The following NUGGC variants were observed in gnomAD, a reference collection of about 807,000 sequenced individuals.
NUGGC encodes nuclear GTPase, germinal center associated, also known as nuclear GTPase SLIP-GC.
In NUGGC, 58 loss-of-function variants were observed where a neutral mutation model predicts 92.6. The observed-to-expected ratio is 0.63, with a 90% CI of 0.51 to 0.78. The LOEUF is 0.78. Among genes scored for constraint, NUGGC ranks in the 30% least tolerant of loss-of-function variants. NUGGC has a pLI of 0.00. For missense variants in NUGGC, 925 were observed against 964.6 expected, an observed-to-expected ratio of 0.96 and a Z score of 0.54; for synonymous variants, 376 against 366.4, an observed-to-expected ratio of 1.03 and a Z score of -0.30.
chr8:28,039,329 T>G (rs1809634919), intron 13 of NUGGC, among the ~76,000 whole-genome samples: 1 of 151,676 alleles, frequency 6.6e-6, no homozygotes, highest in Non-Finnish European at 1.5e-5. Context: ...GCCTCTCAGG[T>G]TCAAGTGATT....
intron 1 of NUGGC, among the ~76,000 whole-genome samples, chr8:28,080,846 C>T (rs1254248502): frequency 6.6e-6 from 1 of 152,162 alleles, no homozygotes; most frequent in Non-Finnish European, 1.5e-5. Context: ...AAACAAAGGG[C>T]TTCCATATTC....
intron 1 of NUGGC, among the ~76,000 whole-genome samples, chr8:28,076,324 A>T (rs551692206): frequency 6.6e-6 from 1 of 152,224 alleles, no homozygotes; most frequent in Non-Finnish European, 1.5e-5. Context: ...CTTGTGACAG[A>T]GTCTTGCTCT....
At chr8:28,060,178 C>A in intron 8 of NUGGC, 1 of 627,890 alleles carries the variant, frequency 1.6e-6, no homozygotes, top group Admixed American at 2.1e-5. Flanking sequence ...GAGTGGCACC[C>A]CCAGAGCTGT....
At chr8:28,082,521 G>C (rs1417743802) in intron 1 of NUGGC, among the ~76,000 whole-genome samples, 1 of 152,176 alleles carries the variant, frequency 6.6e-6, no homozygotes, top group Non-Finnish European at 1.5e-5. Context: ...TTAATGACTT[G>C]CCTAAGATCA....
intron 13 of NUGGC, among the ~76,000 whole-genome samples, chr8:28,037,460 G>A (rs1162940922): frequency 6.6e-6 from 1 of 152,134 alleles, no homozygotes; most frequent in Non-Finnish European, 1.5e-5. Context: ...TCCAGGGCCA[G>A]GCTCCAACAA....
intron 8 of NUGGC, among the ~76,000 whole-genome samples, chr8:28,059,291 G>A (rs375214170): frequency 3.3e-5 from 5 of 152,034 alleles, no homozygotes; most frequent in African/African-American, 9.7e-5. Flanking sequence ...GTTTATACCC[G>A]CTGATCCCCT....
chr8:28,023,092 C>A lies in NUGGC; in HGVS notation c.*225G>T, dbSNP rs993049700. ...CTCAAAAAAAAAAAAAAAAAAATTA[C>A]CCAGGTGTGGTGGCCTGTACCTGTA... On this transcript the variant is annotated 3_prime_UTR_variant, in exon 19 of 19. Coordinates refer to ENST00000413272, the MANE Select transcript of NUGGC (RefSeq NM_001010906.2). 3.1e-5 allele frequency: 12 copies of A among 383,590 alleles called. No homozygotes were observed. The highest frequency in any genetic ancestry group is 4.6e-5 in the Non-Finnish European group (10 of 218,548). The allele number at this position is 383,590 out of a possible 1,614,324, so 23.8% of individuals were successfully genotyped here.
At chr8:28,062,913 A>G (rs1198514955) in intron 7 of NUGGC, among the ~76,000 whole-genome samples, 1 of 152,230 alleles carries the variant, frequency 6.6e-6, no homozygotes, top group East Asian at 1.9e-4. Flanking sequence ...GATACAAAAA[A>G]GCATTTCGAT....
chr8:28,083,135 C>T (rs975832684), intron 1 of NUGGC, among the ~76,000 whole-genome samples: 1 of 152,174 alleles, frequency 6.6e-6, no homozygotes, highest in African/African-American at 2.4e-5. Flanking sequence ...CCAAAGAGAA[C>T]ACGGCGGAGA....
intron 1 of NUGGC, among the ~76,000 whole-genome samples, chr8:28,075,188 G>A (rs1031403062): frequency 6.6e-5 from 10 of 152,098 alleles, no homozygotes; most frequent in Non-Finnish European, 1.2e-4. Flanking sequence ...GAGTTGCTTT[G>A]GGGGGCTGCT....
rs76225131 is a variant in NUGGC, at chr8:28,040,342, G to A, written c.1611+709C>T. 1.4e-4 allele frequency among the ~76,000 whole-genome samples: 21 copies of A among 152,284 alleles called. No homozygotes were observed. The East Asian group carries it at 4.0e-3, about 29-fold the overall frequency. ...AGGTTACAAGATGTTTCCTCATTGT[G>A]TAAGCTCATTGATACTGATATCAAC... On this transcript the variant is annotated intron_variant, in intron 13 of 18. Coordinates refer to ENST00000413272, the MANE Select transcript of NUGGC (RefSeq NM_001010906.2).
At chr8:28,043,762 C>T (rs958435313) in intron 12 of NUGGC, among the ~76,000 whole-genome samples, 3 of 152,182 alleles carry the variant, frequency 2.0e-5, no homozygotes, top group African/African-American at 2.4e-5. Context: ...CAGCCCACAT[C>T]GGATTCATTT....
At chr8:28,030,192 C>G in intron 16 of NUGGC, 118 bp downstream of exon 16, 1 of 653,966 alleles carries the variant, frequency 1.5e-6, no homozygotes, top group East Asian at 2.7e-5. Context: ...ACTGAGAGTG[C>G]TGCAAAGTCT....
rs1371344236 is a variant in NUGGC at position 28,067,554 on chromosome 8, T to G, written c.671A>C (p.Lys224Thr). ...GGTGATGACTCTGGAGGTGGGGATCTTCCTTTTGGGCTTCGCCCTCAGTAA... is the reference window on the plus strand; with the variant it reads ...GGTGATGACTCTGGAGGTGGGGATCGTCCTTTTGGGCTTCGCCCTCAGTAA... ...EELLRAKPKR[K>T]IPTSRVITLK... Residue 224 changes from lysine to threonine, a missense_variant, in exon 6 of 19, where the codon AAG becomes ACG. Lys to Thr is a moderately conservative substitution (Grantham distance 78). Coordinates refer to ENST00000413272, the MANE Select transcript of NUGGC (RefSeq NM_001010906.2). The G allele has an allele frequency of 1.9e-6, 3 of 1,612,782 alleles. No homozygotes were observed. Among genetic ancestry groups the G allele is most frequent in the African/African-American group, 2.7e-5 (2 of 75,056 alleles).
intron 11 of NUGGC, 39 bp from the exon 12 acceptor site, chr8:28,045,699 A>T: frequency 6.3e-7 from 1 of 1,599,054 alleles, no homozygotes; most frequent in South Asian, 1.1e-5. Context: ...GTTAAAGGCC[A>T]GAAGTTTGTG....
chr8:28,029,999 T>C (rs1809373749), intron 16 of NUGGC, among the ~76,000 whole-genome samples: 1 of 151,924 alleles, frequency 6.6e-6, no homozygotes, highest in Admixed American at 6.6e-5. Flanking sequence ...AGTGAGTGAG[T>C]TCAAGTATTT....
intron 10 of NUGGC, among the ~76,000 whole-genome samples, chr8:28,054,111 G>A (rs1466299918): frequency 6.6e-6 from 1 of 152,120 alleles, no homozygotes; most frequent in East Asian, 1.9e-4. Flanking sequence ...CTGTCACATG[G>A]TACTTACTCT....
chr8:28,054,300 G>T (rs1266064607), intron 10 of NUGGC, among the ~76,000 whole-genome samples: 1 of 151,830 alleles, frequency 6.6e-6, no homozygotes, highest in African/African-American at 2.4e-5. Context: ...TGGCTAACAT[G>T]GTGAAACCTC....
intron 10 of NUGGC, among the ~76,000 whole-genome samples, chr8:28,049,080 A>G (rs1585573724): frequency 6.6e-6 from 1 of 152,242 alleles, no homozygotes; most frequent in East Asian, 1.9e-4. Flanking sequence ...AAAGCAGTGA[A>G]GAGTTGTCAA....
Sources: gnomAD v4.1 joint callset for allele counts (sites outside exome capture counted in the v4.1 genomes callset) on GRCh38, gnomAD v4.1.1 for gene constraint, MANE v1.5 for transcripts, NCBI Gene and HGNC (gene_info 2026-07-23, HGNC 2026-07-21) for gene names.